The following USP48 variants were observed in gnomAD, a reference collection of about 807,000 sequenced individuals.
USP48 encodes ubiquitin specific peptidase 48.
A neutral mutation model predicts 150.7 loss-of-function variants in USP48; 43 were observed. The observed-to-expected ratio is 0.29, with a 90% CI of 0.22 to 0.37. The LOEUF is 0.37. Among genes scored for constraint, USP48 ranks in the 10% least tolerant of loss-of-function variants. USP48 has a pLI of 1.00. For missense variants in USP48, 813 were observed against 1,249.6 expected, an observed-to-expected ratio of 0.65 and a Z score of 5.27; for synonymous variants, 396 against 425.9, an observed-to-expected ratio of 0.93 and a Z score of 0.86.
chr1:21,728,810 T>G, intron 10 of USP48, 91 bp from the exon 11 acceptor site: 2 of 1,446,690 alleles, frequency 1.4e-6, no homozygotes, highest in Non-Finnish European at 1.9e-6. Flanking sequence ...AAATACTGAT[T>G]AAAACATTGG....
chr1:21,696,426 G>A (rs749445355), intron 22 of USP48, among the ~76,000 whole-genome samples: 7 of 152,294 alleles, frequency 4.6e-5, no homozygotes, highest in Non-Finnish European at 7.4e-5. Flanking sequence ...CAACAAGAGC[G>A]AAACTCTGTC....
At chr1:21,759,204 A>AG (rs1491218850) in intron 1 of USP48, among the ~76,000 whole-genome samples, 61 of 142,028 alleles carry the variant, frequency 4.3e-4, no homozygotes, top group Non-Finnish European at 8.8e-4. Flanking sequence ...AAAAAAAAAA[A>AG]AGGAATCAAC....
At position 21,756,827 on chromosome 1, in the gene USP48, A is replaced by C. The variant is rs967782856; in HGVS notation, c.256-125T>G. 10 of 1,440,268 alleles carry C rather than the reference A, an allele frequency of 6.9e-6. No homozygotes were observed. The East Asian group carries it at 2.2e-4, about 31-fold the overall frequency. The allele number at this position is 1,440,268 out of a possible 1,614,324, so 89.2% of individuals were successfully genotyped here. On this transcript the variant is annotated intron_variant, in intron 2 of 26. Coordinates refer to ENST00000308271, the MANE Select transcript of USP48 (RefSeq NM_032236.8). Reference sequence around the variant, plus strand: ...CCGTCACAACCAACATGGTATAGCCACCTTAAGTTTCTCTTGGCTGGAGGT... The same window carrying C: ...CCGTCACAACCAACATGGTATAGCCCCCTTAAGTTTCTCTTGGCTGGAGGT...
At chr1:21,708,295 T>C (rs1037431501) in intron 15 of USP48, among the ~76,000 whole-genome samples, 5 of 151,946 alleles carry the variant, frequency 3.3e-5, no homozygotes, top group African/African-American at 1.2e-4. Context: ...GGTCAGGAGT[T>C]TGAAACCAGC....
intron 20 of USP48, among the ~76,000 whole-genome samples, 191 bp from the exon 21 acceptor site, chr1:21,703,809 G>A (rs978569959): frequency 3.3e-5 from 5 of 152,202 alleles, no homozygotes; most frequent in African/African-American, 9.6e-5. Context: ...ATAGCTCACT[G>A]TAGCCTCAAG....
intron 15 of USP48, among the ~76,000 whole-genome samples, chr1:21,709,994 TAATTA>T (rs1407538171): frequency 6.6e-6 from 1 of 152,070 alleles, no homozygotes; most frequent in Non-Finnish European, 1.5e-5. Context: ...TTAATACAAT[TAATTA>T]AATTAATGTA....
At chr1:21,759,181 CAAAAAAAAAAAAAA>C (rs11341963) in intron 1 of USP48, among the ~76,000 whole-genome samples, 27 of 69,254 alleles carry the variant, frequency 3.9e-4, no homozygotes, top group African/African-American at 1.4e-3. Flanking sequence ...GACACGGTCT[CAAAAAAAAAAAAAA>C]AAAAAAAAAA....
chr1:21,716,066 G>A (rs2097703412), intron 14 of USP48, among the ~76,000 whole-genome samples: 1 of 152,164 alleles, frequency 6.6e-6, no homozygotes, highest in Admixed American at 6.5e-5. Flanking sequence ...AGTTTGTAGT[G>A]TGACAGCAAA....
rs562180724 is a variant in USP48 at position 21,735,992 on chromosome 1, T to C, written c.1171+454A>G. Reference sequence around the variant, plus strand: ...CAGGAGGCTGAGGCACGAGAACTGCTTGAACCCAGGAGGCAGAGGTTGCAG... The same window carrying C: ...CAGGAGGCTGAGGCACGAGAACTGCCTGAACCCAGGAGGCAGAGGTTGCAG... On this transcript the variant is annotated intron_variant, in intron 9 of 26. Transcript: ENST00000308271. 7.2e-5 allele frequency among the ~76,000 whole-genome samples: 11 copies of C among 152,188 alleles called. No homozygotes were observed. In the South Asian group the frequency reaches 2.1e-3, roughly 29 times the overall value.
chr1:21,722,926 G>A (rs1266739706), intron 12 of USP48, among the ~76,000 whole-genome samples: 1 of 152,156 alleles, frequency 6.6e-6, no homozygotes. Flanking sequence ...TAAATATCAA[G>A]TTTTATGCAA....
At position 21,737,342 on chromosome 1, in the gene USP48, G is replaced by A. The variant is rs1244145671; in HGVS notation, c.992-717C>T. 2.0e-5 allele frequency among the ~76,000 whole-genome samples: 3 copies of A among 152,054 alleles called. No homozygotes were observed. In the East Asian group the frequency reaches 5.8e-4, roughly 29 times the overall value. On this transcript the variant is annotated intron_variant, in intron 8 of 26. Transcript: ENST00000308271. The stretch of plus-strand genomic sequence containing the variant: ...GTAGGCCAAACAGTTGGAAAATATA[G>A]GGATGAAAACTTAAAAAATCTAGAA...
chr1:21,726,719 C>T (rs1385903945), intron 11 of USP48: 4 of 152,166 alleles, frequency 2.6e-5, no homozygotes, highest in Non-Finnish European at 5.9e-5. Context: ...GATGTTTCTG[C>T]ACTAGAAAAA....
intron 1 of USP48, among the ~76,000 whole-genome samples, chr1:21,762,668 C>T (rs11799503): frequency 0.11 from 17,359 of 151,840 alleles, 1,191 homozygotes; most frequent in African/African-American, 0.18. Flanking sequence ...GGGTTTGAGA[C>T]CAGCCTGACC....
At chr1:21,725,220 G>A (rs1557504493) in intron 11 of USP48, 1 of 152,254 alleles carries the variant, frequency 6.6e-6, no homozygotes, top group African/African-American at 2.4e-5. Context: ...ACTGTGAGTC[G>A]AGGTCACGGT....
intron 25 of USP48, among the ~76,000 whole-genome samples, chr1:21,684,257 G>A (rs1458227987): frequency 1.3e-5 from 2 of 152,154 alleles, no homozygotes; most frequent in Admixed American, 6.5e-5. Context: ...CCAAAAGTCC[G>A]TATAAGAGTT....
intron 11 of USP48, among the ~76,000 whole-genome samples, chr1:21,727,206 T>A (rs745683674): frequency 2.6e-5 from 4 of 152,212 alleles, no homozygotes; most frequent in African/African-American, 4.8e-5. Context: ...AACAAAAGAC[T>A]TCTCTTGCCA....
intron 1 of USP48, among the ~76,000 whole-genome samples, chr1:21,773,482 G>A (rs923978854): frequency 6.6e-6 from 1 of 151,954 alleles, no homozygotes; most frequent in Non-Finnish European, 1.5e-5. Flanking sequence ...GGCAAAACAT[G>A]AGATCCTATC....
At chr1:21,752,964 T>TAAA in intron 4 of USP48, 28 bp downstream of exon 4, 4 of 1,270,952 alleles carry the variant, frequency 3.1e-6, no homozygotes, top group South Asian at 1.5e-5. Flanking sequence ...TCTGAATATT[T>TAAA]AAAAAAAAAA....
At chr1:21,691,115 G>A (rs1408742544) in intron 23 of USP48, among the ~76,000 whole-genome samples, 3 of 152,022 alleles carry the variant, frequency 2.0e-5, no homozygotes, top group South Asian at 2.1e-4. Flanking sequence ...AGGAGTTCGA[G>A]ACCAGCCTGA....
Sources: gnomAD v4.1 joint callset for allele counts (sites outside exome capture counted in the v4.1 genomes callset) on GRCh38, gnomAD v4.1.1 for gene constraint, MANE v1.5 for transcripts, NCBI Gene and HGNC (gene_info 2026-07-23, HGNC 2026-07-21) for gene names.